The following MAP3K7CL variants were observed in gnomAD, a reference collection of about 807,000 sequenced individuals.
MAP3K7CL encodes MAP3K7 C-terminal-like protein.
Under a neutral mutation model 18.6 loss-of-function variants are expected in MAP3K7CL, and 16 were observed. The observed-to-expected ratio is 0.86, with a 90% confidence interval of 0.58 to 1.31. The LOEUF is 1.31. MAP3K7CL is among the 50% of genes most tolerant of loss of function. The pLI, the probability that MAP3K7CL is intolerant of heterozygous loss-of-function variation, is 0.00. For synonymous variants in MAP3K7CL, 65 were observed against 66.8 expected, an observed-to-expected ratio of 0.97 and a Z score of 0.13; for missense variants, 163 against 174.4, an observed-to-expected ratio of 0.93 and a Z score of 0.37.
chr21:29,093,701 G>A (rs1198022122), intron 4 of MAP3K7CL, among the ~76,000 whole-genome samples: 1 of 151,860 alleles, frequency 6.6e-6, no homozygotes, highest in Non-Finnish European at 1.5e-5. Flanking sequence ...TGTTGGCCAG[G>A]ATGGTCTCAA....
chr21:29,150,409 C>T (rs757019440), intron 3 of MAP3K7CL, among the ~76,000 whole-genome samples: 15 of 152,264 alleles, frequency 9.9e-5, no homozygotes, highest in Non-Finnish European at 1.5e-4. Flanking sequence ...GTGATCTGGC[C>T]GCTTGGAGGA....
At chr21:29,134,901 A>T (rs1403274054) in intron 2 of MAP3K7CL, among the ~76,000 whole-genome samples, 3 of 152,110 alleles carry the variant, frequency 2.0e-5, no homozygotes, top group South Asian at 2.1e-4. Flanking sequence ...TACAAAAAAA[A>T]TTAGCTGGGC....
chr21:29,079,319 AG>A (rs1006696010), intron 1 of MAP3K7CL, among the ~76,000 whole-genome samples: 7 of 152,236 alleles, frequency 4.6e-5, no homozygotes, highest in Non-Finnish European at 1.0e-4. Flanking sequence ...AGAGACAGGA[AG>A]GAAGTGGCTC....
At chr21:29,082,214 T>C (rs2085847856), upstream of MAP3K7CL, among the ~76,000 whole-genome samples, 3 of 152,196 alleles carry the variant, frequency 2.0e-5, no homozygotes, top group African/African-American at 7.2e-5. Flanking sequence ...TGGTCCTATT[T>C]CCTAATATTA....
chr21:29,102,066 A>G (rs997090907), intron 4 of MAP3K7CL, among the ~76,000 whole-genome samples: 1 of 152,354 alleles, frequency 6.6e-6, no homozygotes, highest in East Asian at 1.9e-4. Flanking sequence ...GGGCTAAATC[A>G]TGTAAACAAT....
chr21:29,156,113 G>A (rs1440118896), intron 3 of MAP3K7CL, among the ~76,000 whole-genome samples: 1 of 152,162 alleles, frequency 6.6e-6, no homozygotes, highest in African/African-American at 2.4e-5. Context: ...AAAATTGGAG[G>A]ATGTAGCATC....
At chr21:29,107,418 C>T (rs547709627) in intron 4 of MAP3K7CL, among the ~76,000 whole-genome samples, 12 of 152,242 alleles carry the variant, frequency 7.9e-5, no homozygotes, top group African/African-American at 2.4e-4. Flanking sequence ...TAGAGACTGC[C>T]GGCAGCCCAA....
At chr21:29,155,041 T>C (rs1161365606) in intron 3 of MAP3K7CL, among the ~76,000 whole-genome samples, 1 of 152,236 alleles carries the variant, frequency 6.6e-6, no homozygotes, top group Admixed American at 6.5e-5. Flanking sequence ...ATAAGTTCTG[T>C]AGTATAATTG....
intron 4 of MAP3K7CL, among the ~76,000 whole-genome samples, chr21:29,162,863 T>A (rs2087586162): frequency 1.3e-5 from 2 of 150,640 alleles, no homozygotes; most frequent in African/African-American, 4.9e-5. Context: ...CCCAGCACTT[T>A]GGGAGGAAAG....
chr21:29,110,303 G>A lies in MAP3K7CL; in HGVS notation c.370+17722G>A, dbSNP rs184935391. 4.9e-4 allele frequency among the ~76,000 whole-genome samples: 74 copies of A among 152,182 alleles called. 2 individuals are homozygous for A. In the East Asian group the frequency reaches 0.01, roughly 21 times the overall value. ...ACTAAAGTCATTAACTTTGAGGTAC[G>A]TCTACTTTTTCACTTTCTGGAATTT... is the stretch of plus-strand genomic sequence containing the variant. On this transcript the variant is annotated intron_variant, in intron 4 of 6. Transcript: ENST00000286791.
chr21:29,122,868 G>A (rs923579883), intron 4 of MAP3K7CL, among the ~76,000 whole-genome samples: 3 of 151,972 alleles, frequency 2.0e-5, no homozygotes, highest in African/African-American at 7.3e-5. Context: ...GTATTTTCCT[G>A]CCTCCTGTCT....
At chr21:29,113,655 A>G (rs1243786728) in intron 4 of MAP3K7CL, among the ~76,000 whole-genome samples, 1 of 152,148 alleles carries the variant, frequency 6.6e-6, no homozygotes, top group African/African-American at 2.4e-5. Flanking sequence ...CCTCCCCTGT[A>G]GCTGAGATTA....
chr21:29,174,897 A>C lies in MAP3K7CL; in HGVS notation c.*5A>C. ...AAGAGGCAGGGCTCGTCCTAACTTT[A>C]AATTTTTCAGTGTGAGCATACGAGG... On this transcript the variant is annotated 3_prime_UTR_variant, in exon 5 of 5. Coordinates refer to ENST00000399928, the MANE Select transcript of MAP3K7CL (RefSeq NM_001286620.2). 1 of 1,613,154 alleles carries C rather than the reference A, an allele frequency of 6.2e-7. No individual in the cohort carries two copies.
In MAP3K7CL at chr21:29,167,153, A is replaced by G. The variant is rs190826336; in HGVS notation, c.248+7097A>G. Among the ~76,000 whole-genome samples the G allele has an allele frequency of 1.8e-3, 272 of 152,314 alleles. 5 individuals are homozygous for G. The highest frequency in any genetic ancestry group is 6.4e-3 in the African/African-American group (266 of 41,558). On this transcript the variant is annotated intron_variant, in intron 4 of 4. Coordinates refer to ENST00000399928, the MANE Select transcript of MAP3K7CL (RefSeq NM_001286620.2). ...ATTTACAGTTCTCTGATGGCTAATG[A>G]TGTTACACAGGTTCTCCTGTGCTTC...
Position 29,087,094 on chromosome 21 carries a change from A to G in MAP3K7CL, c.57+1177A>G, listed in dbSNP as rs560736333. On this transcript the variant is annotated intron_variant, in intron 1 of 6. Transcript: ENST00000286791. ...ACACTACCTTCTTTTTGTTCTTGTG[A>G]CATGCCACACTCATTCTCTCTGCTG... Among the ~76,000 whole-genome samples the G allele has an allele frequency of 1.9e-3, 289 of 152,220 alleles. 4 individuals carry two copies. Among genetic ancestry groups the G allele is most frequent in the African/African-American group, 6.8e-3 (282 of 41,550 alleles).
intron 4 of MAP3K7CL, among the ~76,000 whole-genome samples, chr21:29,103,377 A>G (rs117649912): frequency 0.029 from 4,412 of 152,142 alleles, 104 homozygotes; most frequent in Middle Eastern, 0.099. Context: ...GGATCACAGG[A>G]GCCCAGAAGT....
rs1424686009 is a variant in MAP3K7CL at position 29,124,348 on chromosome 21, C to T, written c.371-24841C>T. 6.4e-5 allele frequency among the ~76,000 whole-genome samples: 7 copies of T among 109,126 alleles called. No individual in the cohort carries two copies. In the East Asian group the frequency reaches 1.1e-3, roughly 18 times the overall value. 71.6% of individuals were successfully genotyped at this position (109,126 alleles called of 152,430 possible). On this transcript the variant is annotated intron_variant, in intron 4 of 6. Coordinates refer to the MAP3K7CL transcript ENST00000286791. ...TAGCCCGGGCAACAGAGTGAGACTC[C>T]GTCTCAAAAAAAAAAAAAAAAAAAA...
intron 4 of MAP3K7CL, among the ~76,000 whole-genome samples, chr21:29,173,434 C>T (rs1285644472): frequency 6.6e-6 from 1 of 152,288 alleles, no homozygotes; most frequent in Non-Finnish European, 1.5e-5. Flanking sequence ...TCTAATGAAG[C>T]TTTCAGTACA....
intron 4 of MAP3K7CL, among the ~76,000 whole-genome samples, chr21:29,100,621 C>T (rs999656396): frequency 5.3e-5 from 8 of 151,304 alleles, no homozygotes; most frequent in Middle Eastern, 3.5e-3. Flanking sequence ...CAAACTATTA[C>T]GCATCACCTG....
Sources: gnomAD v4.1 joint callset for allele counts (sites outside exome capture counted in the v4.1 genomes callset) on GRCh38, gnomAD v4.1.1 for gene constraint, MANE v1.5 for transcripts, NCBI Gene and HGNC (gene_info 2026-07-23, HGNC 2026-07-21) for gene names.